ZC3H12B: variants seen among roughly 807,000 people sequenced by gnomAD.
The protein encoded by ZC3H12B is probable ribonuclease ZC3H12B.
Under a neutral mutation model 43.9 loss-of-function variants are expected in ZC3H12B, and 7 were observed. The observed-to-expected ratio is 0.16, with a 90% CI of 0.09 to 0.30. The LOEUF (loss-of-function observed/expected upper bound fraction) is 0.30. ZC3H12B is among the 10% of genes least tolerant of loss of function. The pLI is 1.00. For synonymous variants in ZC3H12B, 222 were observed against 241.7 expected, an observed-to-expected ratio of 0.92 and a Z score of 0.76; for missense variants, 475 against 670.2, an observed-to-expected ratio of 0.71 and a Z score of 3.22.
chrX:65,163,962 T>G, the ZC3H12B span, among the ~76,000 whole-genome samples: 3 of 112,285 alleles, frequency 2.7e-5, no homozygotes, highest in Admixed American at 9.5e-5. Flanking sequence ...TATTTTATTT[T>G]ATTTGATTAT....
the ZC3H12B span, among the ~76,000 whole-genome samples, chrX:65,258,597 C>T: frequency 9.0e-6 from 1 of 111,397 alleles, no homozygotes; most frequent in Non-Finnish European, 1.9e-5. Context: ...GAAATAAAGG[C>T]TCTTAAATAG....
chrX:65,076,100 G>A, the ZC3H12B span, among the ~76,000 whole-genome samples: 1 of 110,930 alleles, frequency 9.0e-6, no homozygotes, highest in Non-Finnish European at 1.9e-5. Flanking sequence ...CCATCTTCCT[G>A]ACATCACCAG....
chrX:65,253,557 A>C, the ZC3H12B span, among the ~76,000 whole-genome samples: 1 of 111,855 alleles, frequency 8.9e-6, no homozygotes, highest in Non-Finnish European at 1.9e-5. Flanking sequence ...ACACTTTAGC[A>C]TTAGGGGAAT....
chrX:65,127,755 G>C, the ZC3H12B span, among the ~76,000 whole-genome samples: 1 of 110,867 alleles, frequency 9.0e-6, no homozygotes, highest in East Asian at 2.9e-4. Context: ...TATTCCCAGG[G>C]AGATTATGGC....
At chrX:65,218,841 C>T in the ZC3H12B span, among the ~76,000 whole-genome samples, 1 of 111,713 alleles carries the variant, frequency 9.0e-6, no homozygotes, top group Non-Finnish European at 1.9e-5. Context: ...GAAAGTGCCC[C>T]CTCCTGGCTG....
chrX:65,499,700 T>C (rs2068339331), intron 3 of ZC3H12B, among the ~76,000 whole-genome samples, 183 bp from the exon 9 acceptor site: 1 of 111,589 alleles, frequency 9.0e-6, no homozygotes, highest in African/African-American at 3.3e-5. Flanking sequence ...AATCATCCTT[T>C]CTATGTGATA....
chrX:65,113,241 G>A, the ZC3H12B span, among the ~76,000 whole-genome samples: 1 of 111,702 alleles, frequency 9.0e-6, no homozygotes, highest in South Asian at 3.7e-4. Context: ...TTATGGCTCA[G>A]CAAAAAAGTG....
the ZC3H12B span, among the ~76,000 whole-genome samples, chrX:65,220,060 TCAAA>T: frequency 9.0e-6 from 1 of 111,331 alleles, no homozygotes; most frequent in Non-Finnish European, 1.9e-5. Flanking sequence ...TTTAGCCTCC[TCAAA>T]CAAAACAATT....
the ZC3H12B span, among the ~76,000 whole-genome samples, chrX:65,063,845 G>A: frequency 9.0e-6 from 1 of 111,710 alleles, no homozygotes; most frequent in African/African-American, 3.3e-5. Flanking sequence ...ACTTGTTATT[G>A]TTCTACTCAG....
chrX:65,183,070 G>A, the ZC3H12B span, among the ~76,000 whole-genome samples: 1 of 111,827 alleles, frequency 8.9e-6, no homozygotes, highest in South Asian at 3.7e-4. Flanking sequence ...TTCCATTACT[G>A]TGTTTGTACC....
At chrX:65,424,811 T>A (rs2067061217) in intron 3 of ZC3H12B, among the ~76,000 whole-genome samples, 1 of 111,857 alleles carries the variant, frequency 8.9e-6, no homozygotes, top group Non-Finnish European at 1.9e-5. Context: ...CTCTATTCTG[T>A]TTCATTGATC....
chrX:65,171,103 G>C, the ZC3H12B span, among the ~76,000 whole-genome samples: 1 of 111,373 alleles, frequency 9.0e-6, no homozygotes, highest in African/African-American at 3.3e-5. Context: ...TGTTTTTTTG[G>C]AGGAGAAGAG....
chrX:65,259,549 A>C, the ZC3H12B span, among the ~76,000 whole-genome samples: 1 of 112,116 alleles, frequency 8.9e-6, no homozygotes, highest in Non-Finnish European at 1.9e-5. Flanking sequence ...AAGTGAAATA[A>C]AATTGACAAA....
the ZC3H12B span, among the ~76,000 whole-genome samples, chrX:65,099,694 A>AC: frequency 8.4e-4 from 92 of 109,838 alleles, no homozygotes; most frequent in African/African-American, 3.0e-3. Context: ...AACAAAAAGG[A>AC]CCCCCCACAC....
the ZC3H12B span, among the ~76,000 whole-genome samples, chrX:65,241,361 G>T: frequency 0.015 from 1,654 of 111,456 alleles, 26 homozygotes; most frequent in African/African-American, 0.051. Context: ...GCTGCATTGT[G>T]GGGGGACTCC....
At chrX:65,219,442 A>G in the ZC3H12B span, among the ~76,000 whole-genome samples, 1 of 111,659 alleles carries the variant, frequency 9.0e-6, no homozygotes, top group Non-Finnish European at 1.9e-5. Flanking sequence ...GTCCAGTGAA[A>G]TAGATAACAT....
At chrX:65,466,966 T>TATA (rs2067832215) in intron 3 of ZC3H12B, among the ~76,000 whole-genome samples, 1 of 34,429 alleles carries the variant, frequency 2.9e-5, no homozygotes, top group Non-Finnish European at 7.5e-5. Flanking sequence ...ATATATATAT[T>TATA]TCAATAGTTT....
At chrX:65,244,459 A>T in the ZC3H12B span, among the ~76,000 whole-genome samples, 2 of 110,302 alleles carry the variant, frequency 1.8e-5, no homozygotes, top group African/African-American at 6.6e-5. Context: ...TCATTAAAAA[A>T]AAGTGCTAGG....
At chrX:65,371,043 G>A (rs1265711497) in intron 2 of ZC3H12B, among the ~76,000 whole-genome samples, 1 of 111,215 alleles carries the variant, frequency 9.0e-6, no homozygotes, top group African/African-American at 3.3e-5. Context: ...TTATCTCTAA[G>A]GTCTATTCCA....
Sources: allele counts gnomAD v4.1 joint callset (sites outside exome capture counted in the v4.1 genomes callset), GRCh38; gene constraint gnomAD v4.1.1; transcripts MANE v1.5; gene names NCBI Gene and HGNC (gene_info 2026-07-23, HGNC 2026-07-21).